The following CCDC102B variants were observed in gnomAD, a reference collection of about 807,000 sequenced individuals.
CCDC102B encodes coiled-coil domain containing 102B.
CCDC102B carries 75 observed loss-of-function variants against 57.4 expected under a neutral mutation model. That is an observed-to-expected ratio of 1.31 (90% CI 1.08 to 1.58). The LOEUF (loss-of-function observed/expected upper bound fraction) is 1.58. CCDC102B is among the 40% of genes most tolerant of loss of function. The pLI is 0.00. For missense variants in CCDC102B, 636 were observed against 582.6 expected (o/e 1.09, Z -0.94); for synonymous variants, 206 against 201.9 (o/e 1.02, Z -0.17).
intron 4 of CCDC102B, among the ~76,000 whole-genome samples, chr18:68,864,908 C>T (rs2038910400): frequency 6.6e-6 from 1 of 151,990 alleles, no homozygotes; most frequent in South Asian, 2.1e-4. Flanking sequence ...TGGCTCTGCC[C>T]CATACCCTAC....
chr18:68,786,666 T>C (rs1194852045), intron 2 of CCDC102B, among the ~76,000 whole-genome samples: 3 of 138,188 alleles, frequency 2.2e-5, no homozygotes, highest in East Asian at 2.1e-4. Flanking sequence ...GTGATTTTTG[T>C]ACATTGATTT....
chr18:68,729,992 C>T (rs1055396142), intron 2 of CCDC102B, among the ~76,000 whole-genome samples: 1 of 152,134 alleles, frequency 6.6e-6, no homozygotes, highest in Non-Finnish European at 1.5e-5. Flanking sequence ...CAAAGATGCT[C>T]TACTTCATTA....
intron 6 of CCDC102B, among the ~76,000 whole-genome samples, chr18:69,010,384 T>A (rs1057255179): frequency 6.6e-6 from 1 of 152,164 alleles, no homozygotes; most frequent in Non-Finnish European, 1.5e-5. Flanking sequence ...ATAACAAGAC[T>A]GATTTGCAGT....
rs187642638 is a variant in CCDC102B, at chr18:68,832,599, G to A, written c.-15-4150G>A. Reference sequence around the variant, plus strand: ...ATAGGTGGAAAAGAGGGATGAGGAAGGGGTTTTACTACCCCAGTCAGAAAC... The same window carrying A: ...ATAGGTGGAAAAGAGGGATGAGGAAAGGGTTTTACTACCCCAGTCAGAAAC... On this transcript the variant is annotated intron_variant, in intron 1 of 7. Coordinates refer to ENST00000360242, the MANE Select transcript of CCDC102B (RefSeq NM_024781.3). Among the ~76,000 whole-genome samples, 5 of 152,114 alleles carry A rather than the reference G, an allele frequency of 3.3e-5. No individual in the cohort carries two copies. In the East Asian group the frequency reaches 9.7e-4, roughly 29 times the overall value.
intron 6 of CCDC102B, among the ~76,000 whole-genome samples, chr18:68,971,880 A>G (rs2050309809): frequency 6.6e-6 from 1 of 152,150 alleles, no homozygotes; most frequent in Admixed American, 6.6e-5. Context: ...TATCAGAATG[A>G]AAAAGATAGA....
chr18:68,986,566 C>T (rs894407027), intron 6 of CCDC102B, among the ~76,000 whole-genome samples: 1 of 152,004 alleles, frequency 6.6e-6, no homozygotes, highest in Admixed American at 6.6e-5. Flanking sequence ...GAACCATTCC[C>T]CTTGAGAACT....
downstream of CCDC102B, among the ~76,000 whole-genome samples, chr18:69,056,759 A>G (rs539644446): frequency 6.6e-6 from 1 of 152,086 alleles, no homozygotes; most frequent in Non-Finnish European, 1.5e-5. Context: ...AAAAATTGTA[A>G]TTGTGCTGAA....
chr18:68,739,156 A>G (rs2033276781), intron 2 of CCDC102B, among the ~76,000 whole-genome samples: 1 of 152,050 alleles, frequency 6.6e-6, no homozygotes, highest in Non-Finnish European at 1.5e-5. Context: ...CACCATGCCC[A>G]GCTAATTTCT....
chr18:68,773,516 A>G (rs1041232037), intron 2 of CCDC102B, among the ~76,000 whole-genome samples: 1 of 152,020 alleles, frequency 6.6e-6, no homozygotes. Flanking sequence ...TTGCCTCGTT[A>G]TATTGTACCC....
chr18:68,880,021 T>A (rs996709384), intron 5 of CCDC102B, among the ~76,000 whole-genome samples: 1 of 151,758 alleles, frequency 6.6e-6, no homozygotes, highest in Admixed American at 6.6e-5. Context: ...GGGTGGTCGA[T>A]GGGATTGGGC....
At chr18:68,820,700 T>C (rs905415294) in intron 1 of CCDC102B, among the ~76,000 whole-genome samples, 1 of 152,194 alleles carries the variant, frequency 6.6e-6, no homozygotes, top group Non-Finnish European at 1.5e-5. Context: ...CATTCATTTA[T>C]TCTTTCGTTC....
intron 6 of CCDC102B, among the ~76,000 whole-genome samples, chr18:68,938,304 G>A (rs911016191): frequency 2.6e-5 from 4 of 151,978 alleles, no homozygotes; most frequent in African/African-American, 7.2e-5. Context: ...TATTCAAAGT[G>A]TATTTTATAA....
intron 1 of CCDC102B, 110 bp from the exon 2 acceptor site, chr18:68,836,639 A>AAG (rs1226381959): frequency 4.2e-6 from 3 of 713,426 alleles, no homozygotes; most frequent in African/African-American, 3.9e-5. Context: ...ATAAAAAAAA[A>AAG]GCATTGTTTT....
chr18:68,856,771 A>C (rs189674511), intron 4 of CCDC102B, among the ~76,000 whole-genome samples: 1 of 151,912 alleles, frequency 6.6e-6, no homozygotes, highest in Admixed American at 6.6e-5. Flanking sequence ...ATGTTTCTAC[A>C]TGGCATTTTC....
intron 6 of CCDC102B, among the ~76,000 whole-genome samples, chr18:68,924,567 T>C (rs1326287400): frequency 6.6e-6 from 1 of 152,088 alleles, no homozygotes; most frequent in African/African-American, 2.4e-5. Context: ...AATGGACTAA[T>C]AAACACCCAT....
chr18:69,002,782 C>T (rs902003658), intron 6 of CCDC102B, among the ~76,000 whole-genome samples: 2 of 151,928 alleles, frequency 1.3e-5, no homozygotes, highest in Non-Finnish European at 1.5e-5. Context: ...CAATGTTTTC[C>T]TTTACTTTCC....
chr18:68,912,176 A>AG (rs2040898725), intron 6 of CCDC102B, among the ~76,000 whole-genome samples: 2 of 18,870 alleles, frequency 1.1e-4, no homozygotes, highest in Admixed American at 6.7e-4. Context: ...AGTTTTCTAC[A>AG]AAGTAAGGTC....
chr18:68,954,105 T>C (rs1017649798), intron 6 of CCDC102B, among the ~76,000 whole-genome samples: 6 of 152,100 alleles, frequency 3.9e-5, no homozygotes, highest in Middle Eastern at 3.2e-3. Flanking sequence ...GGCATTTGCA[T>C]AGATCAATTA....
At chr18:68,871,659 C>T (rs1038449714) in intron 4 of CCDC102B, among the ~76,000 whole-genome samples, 1 of 151,776 alleles carries the variant, frequency 6.6e-6, no homozygotes, top group Non-Finnish European at 1.5e-5. Flanking sequence ...TTTACTCCTC[C>T]ATGCCTAGAG....
Sources: allele counts gnomAD v4.1 joint callset (sites outside exome capture counted in the v4.1 genomes callset), GRCh38; gene constraint gnomAD v4.1.1; transcripts MANE v1.5; gene names NCBI Gene and HGNC (gene_info 2026-07-23, HGNC 2026-07-21).